Variants in LIMS1 observed in about 807,000 individuals in gnomAD.
LIMS1 encodes LIM zinc finger domain containing 1.
In LIMS1, 18 loss-of-function variants were observed where a neutral mutation model predicts 44.1. The observed-to-expected ratio is 0.41, with a 90% CI of 0.28 to 0.61. The LOEUF (loss-of-function observed/expected upper bound fraction) is 0.61. Ranked by LOEUF, LIMS1 falls within the 20% of genes least tolerant of loss-of-function variation. LIMS1 has a pLI of 0.32. For missense variants in LIMS1, 201 were observed against 422.0 expected (o/e 0.48, Z 4.59); for synonymous variants, 93 against 149.1 (o/e 0.62, Z 2.74).
intron 1 of LIMS1, among the ~76,000 whole-genome samples, chr2:108,628,811 T>C (rs1688732261): frequency 6.6e-6 from 1 of 152,224 alleles, no homozygotes; most frequent in South Asian, 2.1e-4. Flanking sequence ...ATGAGTTTTA[T>C]GAAGGTTCTT....
chr2:108,535,871 TATTTC>T (rs543200597), intron 1 of LIMS1, among the ~76,000 whole-genome samples: 113 of 152,322 alleles, frequency 7.4e-4, no homozygotes, highest in Non-Finnish European at 1.2e-3. Flanking sequence ...GTAAAAATGG[TATTTC>T]ATGACACAAG....
chr2:108,649,915 A>G (rs1690343815), intron 1 of LIMS1, among the ~76,000 whole-genome samples: 1 of 152,172 alleles, frequency 6.6e-6, no homozygotes. Context: ...ATGTATACCT[A>G]TGTAACAAAC....
At chr2:108,632,584 G>T (rs1434649122) in intron 1 of LIMS1, among the ~76,000 whole-genome samples, 1 of 152,156 alleles carries the variant, frequency 6.6e-6, no homozygotes, top group African/African-American at 2.4e-5. Context: ...AGATCTTATT[G>T]CACAAAATGG....
chr2:108,599,446 A>G (rs1329780038), intron 1 of LIMS1, among the ~76,000 whole-genome samples: 1 of 152,080 alleles, frequency 6.6e-6, no homozygotes, highest in East Asian at 1.9e-4. Flanking sequence ...TCATCTGTTG[A>G]TGGACATTTA....
chr2:108,612,276 T>C (rs1687700099), intron 1 of LIMS1, among the ~76,000 whole-genome samples: 1 of 152,002 alleles, frequency 6.6e-6, no homozygotes, highest in South Asian at 2.1e-4. Flanking sequence ...CAGCTTGAGC[T>C]CTAAAGTGTG....
At chr2:108,642,749 A>G (rs1255415297) in intron 1 of LIMS1, among the ~76,000 whole-genome samples, 1 of 152,216 alleles carries the variant, frequency 6.6e-6, no homozygotes, top group African/African-American at 2.4e-5. Flanking sequence ...TGAGCTGCTG[A>G]AAATAGCTAT....
At chr2:108,684,104 G>A (rs772980586) in exon 10 of LIMS1, 11 of 581,098 alleles carry the variant, frequency 1.9e-5, no homozygotes, top group Non-Finnish European at 3.1e-5. Context: ...GAGAGAAGAG[G>A]ACCTATATGA....
intron 1 of LIMS1, among the ~76,000 whole-genome samples, chr2:108,628,542 C>T (rs2148889224): frequency 6.6e-6 from 1 of 152,346 alleles, no homozygotes; most frequent in South Asian, 2.1e-4. Context: ...GCCTAGGCTG[C>T]AGTGAGCCTT....
At chr2:108,667,551 A>AAATATAT (rs765279788) in intron 2 of LIMS1, among the ~76,000 whole-genome samples, 4,222 of 130,308 alleles carry the variant, frequency 0.032, 82 homozygotes, top group Middle Eastern at 0.053. Flanking sequence ...AAAAAAAAAA[A>AAATATAT]ATATATATAT....
At chr2:108,555,929 G>A (rs1684910973) in intron 1 of LIMS1, among the ~76,000 whole-genome samples, 1 of 152,058 alleles carries the variant, frequency 6.6e-6, no homozygotes, top group Non-Finnish European at 1.5e-5. Context: ...GATTGGAAAT[G>A]CTTTGAAAAC....
chr2:108,554,153 T>G (rs1684847339), intron 1 of LIMS1, among the ~76,000 whole-genome samples: 1 of 152,184 alleles, frequency 6.6e-6, no homozygotes, highest in African/African-American at 2.4e-5. Context: ...CTTGTTATTC[T>G]GAAGCCAAGG....
chr2:108,536,082 C>T (rs1684127801), intron 1 of LIMS1, among the ~76,000 whole-genome samples: 1 of 152,088 alleles, frequency 6.6e-6, no homozygotes, highest in African/African-American at 2.4e-5. Flanking sequence ...TTAAGAATAA[C>T]GGATATGTAG....
intron 1 of LIMS1, among the ~76,000 whole-genome samples, chr2:108,586,019 C>A (rs1479559833): frequency 6.6e-6 from 1 of 152,012 alleles, no homozygotes; most frequent in Non-Finnish European, 1.5e-5. Flanking sequence ...CGGTGAAACC[C>A]CATCTTACTA....
At chr2:108,601,169 C>T (rs1573414676) in intron 1 of LIMS1, among the ~76,000 whole-genome samples, 1 of 152,034 alleles carries the variant, frequency 6.6e-6, no homozygotes, top group African/African-American at 2.4e-5. Context: ...AAGCTTTATC[C>T]CACGTAAATG....
intron 1 of LIMS1, among the ~76,000 whole-genome samples, chr2:108,597,114 G>A (rs1047605240): frequency 4.0e-5 from 6 of 151,420 alleles, no homozygotes; most frequent in African/African-American, 1.2e-4. Context: ...TCCCCTTGTT[G>A]GCCAGGCTGA....
intron 1 of LIMS1, among the ~76,000 whole-genome samples, chr2:108,556,552 CTTATG>C (rs1684928814): frequency 2.0e-5 from 3 of 152,110 alleles, no homozygotes; most frequent in African/African-American, 4.8e-5. Context: ...AAAGTTAACT[CTTATG>C]TTATTTATAT....
rs551848686 is a variant in LIMS1 at position 108,582,747 on chromosome 2, C to T, written c.32+48153C>T. 1.1e-4 allele frequency among the ~76,000 whole-genome samples: 17 copies of T among 152,224 alleles called. No individual in the cohort carries two copies. The South Asian group carries it at 2.5e-3, about 22-fold the overall frequency. ...CATACCACTGCCTGGGCACTCAAGC[C>T]TGGGCAACAGAACAAGATGTTGTCT... On this transcript the variant is annotated intron_variant, in intron 1 of 9. Coordinates refer to ENST00000544547, the Ensembl canonical transcript of LIMS1.
chr2:108,605,183 C>A (rs1040011322), intron 1 of LIMS1, among the ~76,000 whole-genome samples: 1 of 152,138 alleles, frequency 6.6e-6, no homozygotes, highest in African/African-American at 2.4e-5. Context: ...ACTCATGACA[C>A]CCATTGTTTA....
chr2:108,580,752 C>T (rs1558795583), intron 1 of LIMS1, among the ~76,000 whole-genome samples: 1 of 152,148 alleles, frequency 6.6e-6, no homozygotes, highest in South Asian at 2.1e-4. Flanking sequence ...TCAGGTTTCT[C>T]GCTTGGACTA....
Sources: allele counts gnomAD v4.1 joint callset (sites outside exome capture counted in the v4.1 genomes callset), GRCh38; gene constraint gnomAD v4.1.1; transcripts MANE v1.5; gene names NCBI Gene and HGNC (gene_info 2026-07-23, HGNC 2026-07-21).